H2BC18: variants seen among roughly 807,000 people sequenced by gnomAD.
The protein encoded by H2BC18 is histone H2B type 2-F.
In H2BC18, 8 loss-of-function variants were observed where a neutral mutation model predicts 6.3. The observed-to-expected ratio is 1.28, with a 90% CI of 0.75 to 2.31. The LOEUF (loss-of-function observed/expected upper bound fraction) is 2.31, where lower values mean the gene tolerates loss of function less well. H2BC18 is among the 30% of genes most tolerant of loss of function. H2BC18 has a pLI of 0.00. For missense variants in H2BC18, 106 were observed against 174.5 expected, an observed-to-expected ratio of 0.61 and a Z score of 2.21; for synonymous variants, 104 against 78.1, an observed-to-expected ratio of 1.33 and a Z score of -1.75.
chr1:149,784,648 A>G (rs2091491366), intron 1 of H2BC18, among the ~76,000 whole-genome samples: 1 of 147,686 alleles, frequency 6.8e-6, no homozygotes, highest in African/African-American at 2.4e-5. Flanking sequence ...CTGCTAATAT[A>G]TATATACATA....
At chr1:149,803,835 T>A (rs1242537370) in intron 1 of H2BC18, 1 of 152,264 alleles carries the variant, frequency 6.6e-6, no homozygotes, top group African/African-American at 2.4e-5. Flanking sequence ...CTTAAGGTCT[T>A]CGGACTCTGT....
At chr1:149,806,336 T>G (rs2091916554) in intron 1 of H2BC18, among the ~76,000 whole-genome samples, 1 of 152,200 alleles carries the variant, frequency 6.6e-6, no homozygotes, top group African/African-American at 2.4e-5. Context: ...CTCACACCTA[T>G]AATCCCAGCA....
intron 1 of H2BC18, chr1:149,792,561 G>A: frequency 1.7e-6 from 2 of 1,183,692 alleles, no homozygotes; most frequent in Non-Finnish European, 2.1e-6. Flanking sequence ...ATCCGTAAAT[G>A]ATGGGATGGG....
chr1:149,793,595 AC>A (rs1553752474), intron 1 of H2BC18, among the ~76,000 whole-genome samples: 2 of 151,824 alleles, frequency 1.3e-5, no homozygotes, highest in African/African-American at 4.9e-5. Context: ...CCTGGGACCT[AC>A]CGAGGCTTCA....
chr1:149,808,672 A>T (rs2664723), downstream of H2BC18, among the ~76,000 whole-genome samples: 13 of 152,364 alleles, frequency 8.5e-5, no homozygotes, highest in Admixed American at 3.9e-4. Flanking sequence ...TTACTTTTCA[A>T]AAGTTTGTTC....
Position 149,793,690 on chromosome 1 carries a change from A to G in H2BC18, c.378-10430T>C, listed in dbSNP as rs587693106. ...CCCCAGAGTGGACAAGTGGAGCAGA[A>G]CCGGCATTAGGTTGGGAGGGTGGGT... is the stretch of plus-strand genomic sequence containing the variant. On this transcript the variant is annotated intron_variant, in intron 1 of 1. Coordinates refer to the H2BC18 transcript ENST00000545683. Among the ~76,000 whole-genome samples the G allele has an allele frequency of 1.4e-4, 21 of 151,722 alleles. No individual in the cohort carries two copies. The South Asian group carries it at 2.5e-3, about 18-fold the overall frequency.
chr1:149,788,208 G>C, intron 1 of H2BC18: 1 of 1,512,816 alleles, frequency 6.6e-7, no homozygotes, highest in South Asian at 1.3e-5. Flanking sequence ...TTCCACCAAA[G>C]CTAAAGATAT....
chr1:149,796,325 G>T (rs1452801581), intron 1 of H2BC18, among the ~76,000 whole-genome samples: 1 of 152,150 alleles, frequency 6.6e-6, no homozygotes, highest in African/African-American at 2.4e-5. Flanking sequence ...CTCTAAGGAA[G>T]ACTAGAAATA....
intron 1 of H2BC18, among the ~76,000 whole-genome samples, chr1:149,804,324 C>T (rs1438787354): frequency 6.6e-6 from 1 of 152,124 alleles, no homozygotes; most frequent in African/African-American, 2.4e-5. Flanking sequence ...TTATAGAGCA[C>T]TAGTAACAGA....
At chr1:149,797,551 TCTTA>T (rs1166773531) in intron 1 of H2BC18, among the ~76,000 whole-genome samples, 2 of 152,194 alleles carry the variant, frequency 1.3e-5, no homozygotes, top group Non-Finnish European at 2.9e-5. Flanking sequence ...TATGCTTTCA[TCTTA>T]CTTTATGCCT....
chr1:149,799,753 A>G (rs1403032484), intron 1 of H2BC18, among the ~76,000 whole-genome samples: 3 of 152,104 alleles, frequency 2.0e-5, no homozygotes, highest in African/African-American at 7.2e-5. Flanking sequence ...CTCTGCATGC[A>G]TCTTTTTATA....
At chr1:149,807,951 T>C (rs1310005323), downstream of H2BC18, among the ~76,000 whole-genome samples, 4 of 152,172 alleles carry the variant, frequency 2.6e-5, no homozygotes, top group African/African-American at 9.7e-5. Flanking sequence ...GCATAAATTG[T>C]TTTGCACTCT....
At chr1:149,787,807 C>T (rs2091593015) in intron 1 of H2BC18, 1 of 167,504 alleles carries the variant, frequency 6.0e-6, no homozygotes, top group Non-Finnish European at 1.3e-5. Context: ...GAGGTTCCTG[C>T]TTTCTTGCTG....
chr1:149,791,186 C>A lies in H2BC18; in HGVS notation c.378-7926G>T. ...CCCTTCCAAACATAACTCAGCTAGA[C>A]CCCTCTGGTCTCTAAATAGTATCTC... is the stretch of plus-strand genomic sequence containing the variant. On this transcript the variant is annotated intron_variant, in intron 1 of 1. Transcript: ENST00000545683. The A allele has an allele frequency of 9.3e-6, 15 of 1,605,614 alleles. 1 individual carries two copies. Among genetic ancestry groups the A allele is most frequent in the Non-Finnish European group, 1.3e-5 (15 of 1,177,078 alleles).
At chr1:149,793,373 C>G (rs1571403757) in intron 1 of H2BC18, among the ~76,000 whole-genome samples, 1 of 152,030 alleles carries the variant, frequency 6.6e-6, no homozygotes, top group African/African-American at 2.4e-5. Context: ...ATCAGCAAGC[C>G]AGCGGGCAAG....
chr1:149,793,086 C>A (rs7418377), intron 1 of H2BC18: 1 of 1,274,436 alleles, frequency 7.8e-7, no homozygotes, highest in African/African-American at 1.6e-5. Context: ...GAGGTTGCAG[C>A]TGCCGCCAAG....
chr1:149,798,878 G>A (rs1326950271), intron 1 of H2BC18, among the ~76,000 whole-genome samples: 2 of 151,780 alleles, frequency 1.3e-5, no homozygotes, highest in African/African-American at 2.4e-5. Context: ...TTCCCAAAGT[G>A]CCAGGATTAC....
intron 1 of H2BC18, among the ~76,000 whole-genome samples, chr1:149,796,844 C>A (rs1370616086): frequency 9.2e-5 from 14 of 152,274 alleles, no homozygotes; most frequent in African/African-American, 3.4e-4. Flanking sequence ...GCTTTTAATA[C>A]TATTCTATTA....
At chr1:149,807,171 G>T (rs587642613), downstream of H2BC18, among the ~76,000 whole-genome samples, 1 of 152,222 alleles carries the variant, frequency 6.6e-6, no homozygotes, top group Admixed American at 6.5e-5. Flanking sequence ...CTGATAAATT[G>T]CGTTTGGAAA....
Sources: allele counts gnomAD v4.1 joint callset (sites outside exome capture counted in the v4.1 genomes callset), GRCh38; gene constraint gnomAD v4.1.1; transcripts MANE v1.5; gene names NCBI Gene and HGNC (gene_info 2026-07-23, HGNC 2026-07-21).